The following CDK15 variants were observed in gnomAD, a reference collection of about 807,000 sequenced individuals.
The protein encoded by CDK15 is cyclin-dependent kinase 15.
In CDK15, 62 loss-of-function variants were observed where a neutral mutation model predicts 60.3. The observed-to-expected ratio is 1.03, with a 90% CI of 0.84 to 1.27. CDK15 has a LOEUF of 1.27. Ranked by LOEUF, CDK15 falls within the 50% of genes most tolerant of loss-of-function variation. The pLI, the probability that CDK15 is intolerant of heterozygous loss-of-function variation, is 0.00. For synonymous variants in CDK15, 194 were observed against 195.7 expected, an observed-to-expected ratio of 0.99 and a Z score of 0.07; for missense variants, 541 against 527.8, an observed-to-expected ratio of 1.03 and a Z score of -0.25.
intron 11 of CDK15, among the ~76,000 whole-genome samples, chr2:201,874,838 T>C (rs1466806927): frequency 6.6e-6 from 1 of 152,174 alleles, no homozygotes; most frequent in East Asian, 1.9e-4. Flanking sequence ...ATCTACTACA[T>C]CCCAAACTGA....
chr2:201,868,535 T>G (rs1698722763), intron 10 of CDK15, among the ~76,000 whole-genome samples: 2 of 152,358 alleles, frequency 1.3e-5, no homozygotes, highest in South Asian at 4.1e-4. Flanking sequence ...TTGCACTCAT[T>G]ATTTCATTGG....
chr2:201,824,734 T>C (rs1696390222), intron 6 of CDK15: 1 of 594,890 alleles, frequency 1.7e-6, no homozygotes, highest in South Asian at 2.7e-5. Context: ...GCAGAATTCA[T>C]ATATCATCAA....
At chr2:201,876,102 C>A (rs1404154845) in intron 11 of CDK15, among the ~76,000 whole-genome samples, 3 of 152,244 alleles carry the variant, frequency 2.0e-5, no homozygotes, top group East Asian at 3.9e-4. Context: ...TGCTGGTAGG[C>A]AAATTAACAT....
chr2:201,806,809 G>A, intron 1 of CDK15, 22 bp downstream of exon 1: 1 of 1,596,896 alleles, frequency 6.3e-7, no homozygotes, highest in Non-Finnish European at 8.5e-7. Context: ...CCAGGAGAGA[G>A]CATCTTTCTC....
At chr2:201,830,832 G>A (rs544731282) in intron 6 of CDK15, among the ~76,000 whole-genome samples, 35 of 152,338 alleles carry the variant, frequency 2.3e-4, no homozygotes, top group African/African-American at 8.4e-4. Context: ...TGGGGAAAAG[G>A]GAGGCAGCTT....
chr2:201,838,586 G>C (rs1369748254), intron 8 of CDK15, among the ~76,000 whole-genome samples: 1 of 151,038 alleles, frequency 6.6e-6, no homozygotes, highest in African/African-American at 2.4e-5. Flanking sequence ...AAAAAAAAAA[G>C]TGTAGAGACA....
chr2:201,853,441 T>C lies in CDK15; in HGVS notation c.946-1433T>C, dbSNP rs369723069. ...GCCAGATTCCTAGTCAACAAGCTGA[T>C]AGACACTAAGATTCTGGATTCTTCA... On this transcript the variant is annotated intron_variant, in intron 9 of 13. Transcript: ENST00000652192. Among the ~76,000 whole-genome samples the C allele has an allele frequency of 3.9e-5, 6 of 152,234 alleles. No individual in the cohort carries two copies. In the East Asian group the frequency reaches 7.7e-4, roughly 20 times the overall value.
At chr2:201,851,171 A>C (rs930446784) in intron 9 of CDK15, among the ~76,000 whole-genome samples, 2 of 151,838 alleles carry the variant, frequency 1.3e-5, no homozygotes, top group African/African-American at 2.4e-5. Context: ...GTGCACCTGT[A>C]GTCCCAGCTA....
chr2:201,852,012 T>G (rs540624495), intron 9 of CDK15, among the ~76,000 whole-genome samples: 1 of 152,272 alleles, frequency 6.6e-6, no homozygotes, highest in Non-Finnish European at 1.5e-5. Context: ...CCTTATATAT[T>G]TTTGATATTA....
chr2:201,870,948 G>A (rs187155148), intron 10 of CDK15, among the ~76,000 whole-genome samples: 16 of 152,240 alleles, frequency 1.1e-4, no homozygotes, highest in Admixed American at 7.8e-4. Flanking sequence ...GAGTGAATGA[G>A]AAATCATTCC....
chr2:201,826,581 A>G (rs1696517385), intron 6 of CDK15, among the ~76,000 whole-genome samples: 1 of 152,124 alleles, frequency 6.6e-6, no homozygotes, highest in Non-Finnish European at 1.5e-5. Flanking sequence ...GTAGGGAAAT[A>G]GAGGATATGT....
At chr2:201,892,679 A>G (rs920218659) in intron 13 of CDK15, among the ~76,000 whole-genome samples, 1 of 152,248 alleles carries the variant, frequency 6.6e-6, no homozygotes, top group East Asian at 1.9e-4. Context: ...AGCTAGAGCA[A>G]TTAAACTGTT....
intron 8 of CDK15, among the ~76,000 whole-genome samples, chr2:201,843,193 C>G (rs1559130569): frequency 6.6e-6 from 1 of 151,196 alleles, no homozygotes; most frequent in Non-Finnish European, 1.5e-5. Context: ...TTGCATAGTT[C>G]TTTTTTTTTA....
rs375321786 is a variant in CDK15 at position 201,882,574 on chromosome 2, C to G, written c.1198+2407C>G. On this transcript the variant is annotated intron_variant, in intron 12 of 13. Coordinates refer to ENST00000652192, the MANE Select transcript of CDK15 (RefSeq NM_001366386.2). This position sits in a 1 kb window ranked among gnomAD's most constrained non-coding sequence, Gnocchi z 4.0. ...TTCCTGCAGCGACATCTCGAATCCC[C>G]GAGGGAGAAGATGAAAGCGCCGGTG... 1.3e-5 allele frequency among the ~76,000 whole-genome samples: 2 copies of G among 151,516 alleles called. No homozygotes were observed. Among genetic ancestry groups the G allele is most frequent in the African/African-American group, 4.8e-5 (2 of 41,248 alleles).
chr2:201,806,741 A>G lies in CDK15; in HGVS notation c.77A>G (p.His26Arg). The stretch of plus-strand genomic sequence containing the variant: ...CATTGTTCAGAGGGAGGCGAGGCAC[A>G]CAGCTGTCGGAGGAGTCAGCCTGAG... ...CYHCSEGGEA[H>R]SCRRSQPETT... Residue 26 changes from histidine (H) to arginine (R), a missense_variant, in exon 1 of 14, where the codon CAC becomes CGC. Transcript: ENST00000652192. The G allele has an allele frequency of 1.3e-6, 2 of 1,598,544 alleles. No homozygotes were observed. The highest frequency in any genetic ancestry group is 1.7e-6 in the Non-Finnish European group (2 of 1,179,736).
intron 10 of CDK15, among the ~76,000 whole-genome samples, chr2:201,855,888 C>G (rs996442388): frequency 6.7e-6 from 1 of 149,554 alleles, no homozygotes; most frequent in Non-Finnish European, 1.5e-5. Flanking sequence ...TGCAGTGGCA[C>G]GATCTCGGCT....
At position 201,893,949 on chromosome 2, in the gene CDK15, A is replaced by C. The variant is rs935729621; in HGVS notation, c.*682A>C. 1.3e-5 allele frequency: 2 copies of C among 152,116 alleles called. No individual in the cohort carries two copies. The highest frequency in any genetic ancestry group is 2.4e-5 in the African/African-American group (1 of 41,408). 9.4% of individuals were successfully genotyped at this position (152,116 alleles called of 1,614,324 possible). The stretch of plus-strand genomic sequence containing the variant: ...ATTTCAGGCTATCTCCTCCTACTGA[A>C]TCTTAATTGTCTGTGATGATGGCAA... On this transcript the variant is annotated 3_prime_UTR_variant, in exon 14 of 14. Coordinates refer to ENST00000652192, the MANE Select transcript of CDK15 (RefSeq NM_001366386.2).
At chr2:201,824,759 A>T in intron 6 of CDK15, 4 of 699,252 alleles carry the variant, frequency 5.7e-6, no homozygotes, top group Non-Finnish European at 8.0e-6. Context: ...ATCCTTCAAG[A>T]GCTTCAGCGC....
chr2:201,811,925 C>G (rs746120595), intron 3 of CDK15, among the ~76,000 whole-genome samples: 3 of 152,120 alleles, frequency 2.0e-5, no homozygotes, highest in Non-Finnish European at 4.4e-5. Flanking sequence ...GTAATCCCAG[C>G]ACTTTGGGAG....
Sources: gnomAD v4.1 joint callset for allele counts (sites outside exome capture counted in the v4.1 genomes callset) on GRCh38, gnomAD v4.1.1 for gene constraint, Gnocchi (gnomAD v3.1) non-coding constraint, MANE v1.5 for transcripts, NCBI Gene and HGNC (gene_info 2026-07-23, HGNC 2026-07-21) for gene names.